Variants in FBN3 observed in about 807,000 individuals in gnomAD.
FBN3 encodes the protein fibrillin-3.
FBN3 carries 234 observed loss-of-function variants against 330.1 expected under a neutral mutation model. The observed-to-expected ratio is 0.71, with a 90% CI of 0.64 to 0.79. FBN3 has a LOEUF of 0.79. Among genes scored for constraint, FBN3 ranks in the 30% least tolerant of loss-of-function variants. The probability of loss-of-function intolerance (pLI) is 0.00; values close to 1 mark genes in which losing one functional copy is unlikely to be tolerated. For missense variants in FBN3, 3,606 were observed against 3,886.9 expected, an observed-to-expected ratio of 0.93 and a Z score of 1.92; for synonymous variants, 1,458 against 1,517.3, an observed-to-expected ratio of 0.96 and a Z score of 0.91.
intron 24 of FBN3, among the ~76,000 whole-genome samples, chr19:8,122,766 G>A (rs7252283): frequency 0.038 from 5,779 of 151,506 alleles, 320 homozygotes; most frequent in African/African-American, 0.12. Flanking sequence ...CCGGGTTCAC[G>A]CCATTCTCCT....
intron 34 of FBN3, among the ~76,000 whole-genome samples, chr19:8,110,435 CTG>C (rs1444265956): frequency 6.6e-6 from 1 of 152,180 alleles, no homozygotes; most frequent in Non-Finnish European, 1.5e-5. Context: ...GGTCCACCAC[CTG>C]TTTGTGTCAA....
chr19:8,120,482 TTCCTTC>T (rs1273575896), intron 25 of FBN3, among the ~76,000 whole-genome samples: 1 of 90,178 alleles, frequency 1.1e-5, no homozygotes, highest in Non-Finnish European at 2.8e-5. Context: ...TTCCTCTTCC[TTCCTTC>T]CTTCCTTCCT....
At chr19:8,111,797 C>A in intron 31 of FBN3, 27 bp from the exon 32 acceptor site, 1 of 1,609,430 alleles carries the variant, frequency 6.2e-7, no homozygotes, top group Non-Finnish European at 8.5e-7. Flanking sequence ...CCAGACCCCC[C>A]ACCCCATGGT....
intron 57 of FBN3, among the ~76,000 whole-genome samples, chr19:8,082,478 CTTCCTTCCTTCCCTTTCTTTCTCT>C (rs202115209): frequency 0.5 from 71,911 of 144,058 alleles, 17,816 homozygotes; most frequent in Admixed American, 0.55. Context: ...TCCTTCCTTC[CTTCCTTCCTTCCCTTTCTTTCTCT>C]CTTTCTTTCT....
Position 8,121,402 on chromosome 19 carries a change from G to GC in FBN3, c.3083-17dup. 1 of 1,584,366 alleles carries GC rather than the reference G, an allele frequency of 6.3e-7. No homozygotes were observed. Among genetic ancestry groups the GC allele is most frequent in the Non-Finnish European group, 8.6e-7 (1 of 1,163,250 alleles). The stretch of plus-strand genomic sequence containing the variant: ...TCGTCGATATCTGTGGGGAGAGGGG[G>GC]CAGAGGCCGGAGGCGCCATGTGGGC... On this transcript the variant is annotated splice_polypyrimidine_tract_variant and intron_variant, in intron 24 of 63. Coordinates refer to ENST00000600128, the MANE Select transcript of FBN3 (RefSeq NM_032447.5). This position sits in a 1 kb window ranked among gnomAD's most constrained non-coding sequence, Gnocchi z 4.5.
chr19:8,139,850 C>T (rs1268857211), intron 8 of FBN3, among the ~76,000 whole-genome samples: 1 of 151,938 alleles, frequency 6.6e-6, no homozygotes, highest in East Asian at 2.0e-4. Context: ...AAACTCCTCC[C>T]AGCAGCTGGG....
At chr19:8,107,504 A>ATGT (rs2082470441) in intron 37 of FBN3, among the ~76,000 whole-genome samples, 1 of 115,782 alleles carries the variant, frequency 8.6e-6, no homozygotes, top group African/African-American at 3.0e-5. Context: ...TGGATGGATG[A>ATGT]ATGGATGGAA....
At chr19:8,146,019 A>G (rs1182396655) in intron 4 of FBN3, 81 bp from the exon 5 acceptor site, 1 of 1,483,924 alleles carries the variant, frequency 6.7e-7, no homozygotes, top group African/African-American at 1.4e-5. Flanking sequence ...AGGACTAGGC[A>G]TGCTCAGCCC....
At position 8,087,860 on chromosome 19, in the gene FBN3, C is replaced by T. The variant is rs373643659; in HGVS notation, c.6584G>A (p.Gly2195Asp). 3 of 1,614,016 alleles carry T rather than the reference C, an allele frequency of 1.9e-6. No individual in the cohort carries two copies. Among genetic ancestry groups the T allele is most frequent in the African/African-American group, 1.3e-5 (1 of 74,908 alleles). The change falls in exon 53 of 64, where the codon GGC (glycine) becomes GAC (aspartate). Residue 2195 changes from glycine to aspartate, a missense_variant. Physicochemically the swap from Gly to Asp is moderately conservative, Grantham distance 94. Coordinates refer to ENST00000600128, the MANE Select transcript of FBN3 (RefSeq NM_032447.5). Reference protein sequence around the residue: ...EGSYLCTCPAGYTLREDGAMC... With the variant: ...EGSYLCTCPADYTLREDGAMC... Reference sequence around the variant, plus strand: ...GGCCCCATCCTCCCGCAGGGTGTAGCCGGCTGGACAGGTGCACAGGTAGGA... The same window carrying T: ...GGCCCCATCCTCCCGCAGGGTGTAGTCGGCTGGACAGGTGCACAGGTAGGA...
At chr19:8,115,268 T>A (rs969483886) in intron 30 of FBN3, among the ~76,000 whole-genome samples, 5 of 152,230 alleles carry the variant, frequency 3.3e-5, no homozygotes, top group African/African-American at 1.2e-4. Context: ...TTGCATCAAA[T>A]TATGAGGGAT....
At chr19:8,123,429 T>G in intron 24 of FBN3, 35 bp downstream of exon 24, 2 of 1,606,094 alleles carry the variant, frequency 1.2e-6, no homozygotes, top group Non-Finnish European at 1.7e-6. Flanking sequence ...CTGCCAAGGA[T>G]CACGCTCTCT....
At chr19:8,070,770 C>T (rs1030352695) in intron 63 of FBN3, among the ~76,000 whole-genome samples, 20 of 152,136 alleles carry the variant, frequency 1.3e-4, no homozygotes, top group Non-Finnish European at 2.8e-4. Flanking sequence ...TGCCTGTAAT[C>T]CCAGCACTTT....
intron 13 of FBN3, among the ~76,000 whole-genome samples, chr19:8,134,594 G>A (rs924682038): frequency 3.9e-5 from 6 of 152,076 alleles, no homozygotes; most frequent in Non-Finnish European, 8.8e-5. Context: ...GCTGGGATAT[G>A]AGTTAAAGTC....
intron 6 of FBN3, among the ~76,000 whole-genome samples, chr19:8,144,103 C>T (rs1321971025): frequency 6.6e-6 from 1 of 151,964 alleles, no homozygotes; most frequent in Non-Finnish European, 1.5e-5. Flanking sequence ...TCTTAGCCGT[C>T]TTAAAAATGG....
At chr19:8,068,996 A>G (rs887815343) in intron 63 of FBN3, among the ~76,000 whole-genome samples, 16 of 152,132 alleles carry the variant, frequency 1.1e-4, no homozygotes, top group Non-Finnish European at 2.2e-4. Flanking sequence ...TTCAGATGAC[A>G]TTGCGACCCA....
In FBN3 at chr19:8,131,655, G is replaced by T; in HGVS notation, c.1889C>A (p.Ala630Asp). The T allele has an allele frequency of 6.2e-7, 1 of 1,614,242 alleles. No individual in the cohort carries two copies. Among genetic ancestry groups the T allele is most frequent in the South Asian group, 1.1e-5 (1 of 91,088 alleles). ...CYGAIEKGSC[A>D]RPFPGTVTKS... ...GGTGACAGTGCCAGGGAAGGGGCGG[G>T]CACAGGAGCCCTTCTCGATGGCCCC... Residue 630 changes from alanine to aspartate, a missense_variant, in exon 15 of 64, where the codon GCC becomes GAC. Ala to Asp is a moderately radical substitution (Grantham distance 126). Transcript: ENST00000600128. This position sits in a 1 kb window ranked among gnomAD's most constrained non-coding sequence, Gnocchi z 4.5.
Position 8,147,099 on chromosome 19 carries a change from C to G in FBN3, c.250+5G>C, listed in dbSNP as rs1193812360. On this transcript the variant is annotated splice_donor_5th_base_variant and intron_variant, in intron 3 of 63. Transcript: ENST00000600128. ...CCCCCACCTCCAGACGGCGGTAGCA[C>G]TCACGTACGACACACTGGCTCCTGC... The G allele has an allele frequency of 1.3e-6, 2 of 1,556,088 alleles. No individual in the cohort carries two copies. Among genetic ancestry groups the G allele is most frequent in the East Asian group, 4.8e-5 (2 of 41,796 alleles).
chr19:8,123,911 G>C lies in FBN3; in HGVS notation c.2829C>G (p.Ile943Met). 2 of 1,614,068 alleles carry C rather than the reference G, an allele frequency of 1.2e-6. No homozygotes were observed. Among genetic ancestry groups the C allele is most frequent in the Non-Finnish European group, 1.7e-6 (2 of 1,180,028 alleles). ...CGCACTCGACTCCCCACACGGCCCC[G>C]ATGGAGCAGCAGCAGACGTCCATCC... ...KYRMDVCCCS[I>M]GAVWGVECEA... The change falls in exon 23 of 64, where the codon ATC becomes ATG. Residue 943 changes from isoleucine to methionine, a missense_variant. By Grantham distance (10) the Ile-to-Met change is conservative (BLOSUM62 1). Transcript: ENST00000600128.
At chr19:8,118,774 G>A (rs1372980066) in intron 26 of FBN3, 123 bp downstream of exon 26, 2 of 1,223,292 alleles carry the variant, frequency 1.6e-6, no homozygotes, top group Non-Finnish European at 2.3e-6. Context: ...CATAGGTATG[G>A]CCTCAGAAAG....
Sources: allele counts gnomAD v4.1 joint callset (sites outside exome capture counted in the v4.1 genomes callset), GRCh38; gene constraint gnomAD v4.1.1; non-coding constraint Gnocchi (gnomAD v3.1); transcripts MANE v1.5; gene names NCBI Gene and HGNC (gene_info 2026-07-23, HGNC 2026-07-21).